Variants in AOPEP observed in about 807,000 individuals in gnomAD.
AOPEP encodes the protein aminopeptidase O (putative), also known as aminopeptidase O.
Under a neutral mutation model 98.1 loss-of-function variants are expected in AOPEP, and 77 were observed. The observed-to-expected ratio is 0.78, with a 90% CI of 0.65 to 0.95. The LOEUF (loss-of-function observed/expected upper bound fraction) is 0.95, where lower values mean the gene tolerates loss of function less well. Ranked by LOEUF, AOPEP falls within the 40% of genes least tolerant of loss-of-function variation. The pLI, the probability that AOPEP is intolerant of heterozygous loss-of-function variation, is 0.00. For synonymous variants in AOPEP, 346 were observed against 365.3 expected (o/e 0.95, Z 0.60); for missense variants, 1,024 against 1,024.7 (o/e 1.00, Z 0.01).
intron 13 of AOPEP, among the ~76,000 whole-genome samples, chr9:95,021,198 TGAAG>T (rs2063427170): frequency 9.9e-5 from 15 of 152,118 alleles, no homozygotes; most frequent in Admixed American, 9.8e-4. Flanking sequence ...ACTTGGATTG[TGAAG>T]GGATTAGTGC....
the AOPEP span, chr9:95,111,532 C>T: frequency 8.7e-6 from 14 of 1,614,004 alleles, no homozygotes; most frequent in East Asian, 1.1e-4. Flanking sequence ...ACAGCAGGGC[C>T]GTGGGGGGTT....
chr9:94,840,863 TTCTTTTTC>T (rs1477836555), intron 5 of AOPEP, among the ~76,000 whole-genome samples: 3 of 152,176 alleles, frequency 2.0e-5, no homozygotes, highest in Non-Finnish European at 4.4e-5. Context: ...TGGTAAGTTG[TTCTTTTTC>T]TCTTTGTTTC....
chr9:94,783,766 C>G (rs1843800379), intron 3 of AOPEP, among the ~76,000 whole-genome samples: 1 of 152,014 alleles, frequency 6.6e-6, no homozygotes, highest in Non-Finnish European at 1.5e-5. Context: ...GTACATGTTT[C>G]TGAATATACA....
intron 2 of AOPEP, among the ~76,000 whole-genome samples, chr9:94,764,202 C>G (rs1370528704): frequency 6.6e-6 from 1 of 152,208 alleles, no homozygotes; most frequent in Non-Finnish European, 1.5e-5. Flanking sequence ...TAACTCCAAT[C>G]TAATCATGAG....
chr9:95,016,004 G>C (rs183997169), intron 13 of AOPEP, among the ~76,000 whole-genome samples: 3 of 151,948 alleles, frequency 2.0e-5, no homozygotes, highest in African/African-American at 7.2e-5. Context: ...GCCTGGCCCC[G>C]GAAATTGATC....
intron 5 of AOPEP, among the ~76,000 whole-genome samples, chr9:94,908,473 T>TATAA (rs2051502239): frequency 1.3e-5 from 2 of 152,036 alleles, no homozygotes; most frequent in Admixed American, 1.3e-4. Context: ...CCTCTAAGAG[T>TATAA]ATAAGAAGTG....
intron 7 of AOPEP, chr9:94,934,941 G>A (rs1370535520): frequency 6.6e-6 from 1 of 152,300 alleles, no homozygotes; most frequent in Non-Finnish European, 1.5e-5. Context: ...TCCAGGTGCA[G>A]ACCCTGATGC....
the AOPEP span, among the ~76,000 whole-genome samples, chr9:95,137,819 G>A: frequency 2.0e-5 from 3 of 152,348 alleles, no homozygotes; most frequent in African/African-American, 7.2e-5. Flanking sequence ...CAGAGGACGC[G>A]TCATCAGAGC....
intron 5 of AOPEP, among the ~76,000 whole-genome samples, chr9:94,908,561 C>T (rs537510373): frequency 6.6e-6 from 1 of 152,270 alleles, no homozygotes; most frequent in Admixed American, 6.5e-5. Context: ...GACTTTCATT[C>T]TTTCCTTTAA....
At chr9:95,032,676 C>T (rs990997218) in intron 13 of AOPEP, among the ~76,000 whole-genome samples, 72 of 152,314 alleles carry the variant, frequency 4.7e-4, no homozygotes, top group African/African-American at 1.7e-3. Flanking sequence ...GCAACAGAGC[C>T]TGTTTTGTAG....
chr9:94,855,289 G>A (rs1159932478), intron 5 of AOPEP, among the ~76,000 whole-genome samples: 1 of 152,094 alleles, frequency 6.6e-6, no homozygotes, highest in Non-Finnish European at 1.5e-5. Context: ...CATTGGCCAG[G>A]CTGGTCTTGA....
At chr9:95,064,841 G>A (rs2067713390) in intron 14 of AOPEP, among the ~76,000 whole-genome samples, 1 of 152,188 alleles carries the variant, frequency 6.6e-6, no homozygotes, top group Admixed American at 6.5e-5. Context: ...ATGATTAATA[G>A]AACTCTAGAG....
chr9:94,845,544 C>G (rs893938551), intron 5 of AOPEP, among the ~76,000 whole-genome samples: 1 of 152,086 alleles, frequency 6.6e-6, no homozygotes, highest in African/African-American at 2.4e-5. Flanking sequence ...CAGGGAAGAG[C>G]AGACATACAA....
intron 5 of AOPEP, among the ~76,000 whole-genome samples, chr9:94,839,651 G>C (rs2042053348): frequency 6.6e-6 from 1 of 152,124 alleles, no homozygotes; most frequent in African/African-American, 2.4e-5. Flanking sequence ...AGTGAATAGG[G>C]ACAGTTTTAT....
chr9:95,149,505 G>C, the AOPEP span, among the ~76,000 whole-genome samples: 547 of 150,408 alleles, frequency 3.6e-3, 2 homozygotes, highest in African/African-American at 0.013. Context: ...TTGAGATGGA[G>C]TCTCGCTCTG....
chr9:94,733,395 C>T (rs749651194), intron 1 of AOPEP, among the ~76,000 whole-genome samples: 2 of 152,180 alleles, frequency 1.3e-5, no homozygotes, highest in Non-Finnish European at 2.9e-5. Flanking sequence ...GTGTGAGCCA[C>T]TGCATCTGGC....
At chr9:95,110,628 G>A in the AOPEP span, 40 of 1,040,786 alleles carry the variant, frequency 3.8e-5, no homozygotes, top group South Asian at 2.3e-4. Context: ...AACAAAATAC[G>A]CAGACATCTT....
At chr9:94,765,342 A>G (rs1053208280) in intron 2 of AOPEP, among the ~76,000 whole-genome samples, 1 of 151,402 alleles carries the variant, frequency 6.6e-6, no homozygotes, top group Non-Finnish European at 1.5e-5. Flanking sequence ...GCTCATGCCT[A>G]TAATTCTAGC....
intron 2 of AOPEP, among the ~76,000 whole-genome samples, chr9:94,771,664 T>G (rs926300448): frequency 1.3e-5 from 2 of 152,142 alleles, no homozygotes; most frequent in African/African-American, 4.8e-5. Context: ...GTTACTTCTG[T>G]AACGTATTTC....
Sources: allele counts gnomAD v4.1 joint callset (sites outside exome capture counted in the v4.1 genomes callset), GRCh38; gene constraint gnomAD v4.1.1; transcripts MANE v1.5; gene names NCBI Gene and HGNC (gene_info 2026-07-23, HGNC 2026-07-21).